The following CPNE4 variants were observed in gnomAD, a reference collection of about 807,000 sequenced individuals.
The protein encoded by CPNE4 is copine 4.
In CPNE4, 25 loss-of-function variants were observed where a neutral mutation model predicts 67.9. The ratio of observed to expected loss-of-function variants is 0.37; its 90% CI spans 0.27 to 0.51. The LOEUF is 0.51. Ranked by LOEUF, CPNE4 falls within the 20% of genes least tolerant of loss-of-function variation. CPNE4 has a pLI of 0.93. For synonymous variants in CPNE4, 242 were observed against 244.9 expected, an observed-to-expected ratio of 0.99 and a Z score of 0.11; for missense variants, 464 against 690.8, an observed-to-expected ratio of 0.67 and a Z score of 3.68.
intron 7 of CPNE4, among the ~76,000 whole-genome samples, chr3:131,604,269 A>C (rs1939377506): frequency 6.6e-6 from 1 of 152,160 alleles, no homozygotes; most frequent in South Asian, 2.1e-4. Context: ...AAACTTTTAA[A>C]ATTGCAAAAT....
intron 13 of CPNE4, among the ~76,000 whole-genome samples, chr3:131,552,026 T>G (rs1481980917): frequency 6.9e-6 from 1 of 145,460 alleles, no homozygotes; most frequent in African/African-American, 2.6e-5. Flanking sequence ...ATTTCCATGT[T>G]CCCCCCTCTC....
intron 2 of CPNE4, among the ~76,000 whole-genome samples, chr3:131,791,978 G>A (rs1301508777): frequency 2.4e-4 from 37 of 152,140 alleles, no homozygotes; most frequent in Admixed American, 2.4e-3. Flanking sequence ...TAATTACTCA[G>A]TAACAGAACT....
chr3:131,575,191 G>A, intron 9 of CPNE4, 61 bp from the exon 10 acceptor site: 1 of 1,447,302 alleles, frequency 6.9e-7, no homozygotes, highest in Non-Finnish European at 9.7e-7. Flanking sequence ...CTGATATATT[G>A]GAGGCCTAAA....
At chr3:131,933,409 C>T (rs1048464306) in intron 1 of CPNE4, among the ~76,000 whole-genome samples, 7 of 152,244 alleles carry the variant, frequency 4.6e-5, no homozygotes, top group South Asian at 4.1e-4. Context: ...GAAAAGGAAA[C>T]TCCTGTGCTC....
At chr3:131,573,509 A>G (rs547811641) in intron 10 of CPNE4, among the ~76,000 whole-genome samples, 10 of 152,082 alleles carry the variant, frequency 6.6e-5, no homozygotes, top group Non-Finnish European at 1.5e-4. Flanking sequence ...TTGCAGCACA[A>G]TTTGAAGGGC....
chr3:131,676,479 C>T (rs937775556), intron 6 of CPNE4, among the ~76,000 whole-genome samples: 4 of 152,098 alleles, frequency 2.6e-5, no homozygotes, highest in Non-Finnish European at 4.4e-5. Context: ...TTTCATCACC[C>T]AGGTATTAAG....
At chr3:131,942,459 TGTGTGAGAGAGAGAGAGAGAGAGA>T (rs1330216807) in intron 1 of CPNE4, among the ~76,000 whole-genome samples, 31 of 56,390 alleles carry the variant, frequency 5.5e-4, no homozygotes, top group African/African-American at 1.3e-3. Flanking sequence ...TGTGTGTGTG[TGTGTGAGAGAGAGAGAGAGAGAGA>T]GAGAGAGAGA....
chr3:131,621,537 T>C (rs1232702401), intron 7 of CPNE4, among the ~76,000 whole-genome samples: 1 of 152,124 alleles, frequency 6.6e-6, no homozygotes, highest in Non-Finnish European at 1.5e-5. Context: ...TGAGCCACCA[T>C]GCCCAGCCCT....
rs150755035 is a variant in CPNE4 at position 131,975,109 on chromosome 3, G to A, written c.-2+59458C>T. 5.2e-3 allele frequency among the ~76,000 whole-genome samples: 791 copies of A among 152,140 alleles called. 3 individuals are homozygous for A. Among genetic ancestry groups the A allele is most frequent in the Non-Finnish European group, 9.0e-3 (610 of 68,012 alleles). ...CATTTTTAACAATGGCTTTAAAACC[G>A]TCATCAAATTGAGATTGCAGCCTCA... On this transcript the variant is annotated intron_variant, in intron 1 of 15. Coordinates refer to ENST00000429747, the MANE Select transcript of CPNE4 (RefSeq NM_130808.3).
chr3:131,990,372 G>A (rs2073149546), intron 1 of CPNE4, among the ~76,000 whole-genome samples: 1 of 135,980 alleles, frequency 7.4e-6, no homozygotes, highest in African/African-American at 2.5e-5. Context: ...TAGTGCCTAA[G>A]TCTAAACAAC....
At chr3:131,974,501 G>C (rs1285477241) in intron 1 of CPNE4, among the ~76,000 whole-genome samples, 2 of 152,172 alleles carry the variant, frequency 1.3e-5, no homozygotes, top group African/African-American at 4.8e-5. Flanking sequence ...TTGTCTGGAA[G>C]TAAATTCAGC....
intron 2 of CPNE4, among the ~76,000 whole-genome samples, chr3:131,779,538 C>T (rs76045759): frequency 5.3e-5 from 8 of 152,044 alleles, no homozygotes; most frequent in Admixed American, 2.0e-4. Context: ...CATACACCTA[C>T]AACCATGTCA....
At position 131,837,701 on chromosome 3, in the gene CPNE4, A is replaced by T. The variant is rs376756314; in HGVS notation, c.180+67563T>A. Among the ~76,000 whole-genome samples, 10 of 152,172 alleles carry T rather than the reference A, an allele frequency of 6.6e-5. No individual in the cohort carries two copies. In the South Asian group the frequency reaches 1.0e-3, roughly 16 times the overall value. ...CTACCCTCCACCAAAAATGAAAAGA[A>T]GATGAAGAGAGAAAGTACATGGAAA... On this transcript the variant is annotated intron_variant, in intron 2 of 15. Coordinates refer to ENST00000429747, the MANE Select transcript of CPNE4 (RefSeq NM_130808.3).
chr3:131,552,604 T>C (rs1473705763), intron 12 of CPNE4, 113 bp from the exon 13 acceptor site: 6 of 751,576 alleles, frequency 8.0e-6, no homozygotes, highest in South Asian at 3.3e-5. Flanking sequence ...ATATTCATTA[T>C]GTGTTAAGCA....
chr3:131,782,951 T>G (rs1408170402), intron 2 of CPNE4, among the ~76,000 whole-genome samples: 1 of 151,982 alleles, frequency 6.6e-6, no homozygotes, highest in African/African-American at 2.4e-5. Context: ...TGAGAGGGGC[T>G]CAGTTATAGT....
chr3:131,627,671 T>C (rs903215386), intron 7 of CPNE4, among the ~76,000 whole-genome samples: 1 of 152,174 alleles, frequency 6.6e-6, no homozygotes, highest in African/African-American at 2.4e-5. Context: ...GAGGTCAAAC[T>C]ACAAGCATGA....
intron 2 of CPNE4, among the ~76,000 whole-genome samples, chr3:131,828,737 G>C (rs912989816): frequency 6.6e-6 from 1 of 152,142 alleles, no homozygotes; most frequent in African/African-American, 2.4e-5. Context: ...GGAGCCTGAG[G>C]TGAGAGGATC....
intron 7 of CPNE4, among the ~76,000 whole-genome samples, chr3:131,595,294 A>C (rs991306017): frequency 2.0e-5 from 3 of 152,268 alleles, no homozygotes; most frequent in Non-Finnish European, 4.4e-5. Context: ...TGTTCACAAT[A>C]GCTGAGGTAT....
intron 7 of CPNE4, among the ~76,000 whole-genome samples, chr3:131,636,689 A>G (rs1032663813): frequency 2.0e-5 from 3 of 152,190 alleles, no homozygotes; most frequent in Non-Finnish European, 4.4e-5. Context: ...ACCGCAGCTG[A>G]TGCACTCTTG....
Sources: allele counts gnomAD v4.1 joint callset (sites outside exome capture counted in the v4.1 genomes callset), GRCh38; gene constraint gnomAD v4.1.1; transcripts MANE v1.5; gene names NCBI Gene and HGNC (gene_info 2026-07-23, HGNC 2026-07-21).